Variants in TOPAZ1 observed in about 807,000 individuals in gnomAD.
The protein encoded by TOPAZ1 is testis and ovary specific TOPAZ 1.
Under a neutral mutation model 172.2 loss-of-function variants are expected in TOPAZ1, and 66 were observed. That is an observed-to-expected ratio of 0.38 (90% CI 0.31 to 0.47). TOPAZ1 has a LOEUF of 0.47. TOPAZ1 is among the 20% of genes least tolerant of loss of function. The probability of loss-of-function intolerance (pLI) is 0.99; values close to 1 mark genes in which losing one functional copy is unlikely to be tolerated. For synonymous variants in TOPAZ1, 681 were observed against 683.9 expected, an observed-to-expected ratio of 1.00 and a Z score of 0.07; for missense variants, 1,822 against 1,972.4, an observed-to-expected ratio of 0.92 and a Z score of 1.44.
chr3:44,311,422 T>G (rs1463982437), intron 16 of TOPAZ1, among the ~76,000 whole-genome samples: 1 of 152,176 alleles, frequency 6.6e-6, no homozygotes, highest in Non-Finnish European at 1.5e-5. Flanking sequence ...AAAAATGAAC[T>G]TGGGTCACCT....
downstream of TOPAZ1, among the ~76,000 whole-genome samples, chr3:44,332,739 T>C (rs1225929531): frequency 6.6e-6 from 1 of 152,116 alleles, no homozygotes; most frequent in East Asian, 1.9e-4. Flanking sequence ...TTTAAAATTA[T>C]TTAGATTTTA....
At chr3:44,300,661 TAGTG>T (rs1326892144) in intron 12 of TOPAZ1, among the ~76,000 whole-genome samples, 2 of 152,194 alleles carry the variant, frequency 1.3e-5, no homozygotes, top group Admixed American at 1.3e-4. Flanking sequence ...CATATGCTGT[TAGTG>T]AGAATATAAA....
intron 14 of TOPAZ1, 123 bp downstream of exon 14, chr3:44,305,444 A>C (rs1575729602): frequency 5.3e-6 from 4 of 753,802 alleles, no homozygotes; most frequent in East Asian, 3.3e-5. Flanking sequence ...GTCATAGCTC[A>C]CCGCAGCCTC....
At chr3:44,255,095 G>A in intron 3 of TOPAZ1, 66 bp downstream of exon 3, 2 of 1,161,688 alleles carry the variant, frequency 1.7e-6, no homozygotes, top group Non-Finnish European at 2.5e-6. Flanking sequence ...TTCAGGCCTA[G>A]TCAAGATGAA....
chr3:44,331,625 CCTTT>C (rs1262952131), intron 19 of TOPAZ1, among the ~76,000 whole-genome samples, 163 bp from the exon 20 acceptor site: 1 of 152,146 alleles, frequency 6.6e-6, no homozygotes, highest in East Asian at 1.9e-4. Context: ...GGCCAAAATG[CCTTT>C]CTTACTGTGG....
chr3:44,255,651 C>CA (rs10663255), intron 3 of TOPAZ1, among the ~76,000 whole-genome samples: 862 of 86,102 alleles, frequency 0.01, 37 homozygotes, highest in African/African-American at 0.034. Context: ...GACTCTGTCT[C>CA]AAAAAAAAAA....
intron 8 of TOPAZ1, among the ~76,000 whole-genome samples, chr3:44,271,469 G>T (rs191793810): frequency 1.3e-5 from 2 of 152,108 alleles, no homozygotes; most frequent in Admixed American, 6.5e-5. Flanking sequence ...TATTCTATGG[G>T]ATTCTTTTTC....
intron 16 of TOPAZ1, among the ~76,000 whole-genome samples, chr3:44,317,921 C>T (rs1700468204): frequency 6.6e-6 from 1 of 152,220 alleles, no homozygotes; most frequent in African/African-American, 2.4e-5. Context: ...AGTGACTTCT[C>T]ATTTATCAGT....
At chr3:44,251,898 A>G (rs1324598845) in intron 2 of TOPAZ1, among the ~76,000 whole-genome samples, 1 of 151,980 alleles carries the variant, frequency 6.6e-6, no homozygotes, top group Admixed American at 6.5e-5. Context: ...CAGAACTGTG[A>G]CTACACTCCA....
At chr3:44,319,303 A>G (rs1224771373) in intron 16 of TOPAZ1, among the ~76,000 whole-genome samples, 3 of 152,204 alleles carry the variant, frequency 2.0e-5, no homozygotes, top group East Asian at 1.9e-4. Flanking sequence ...AGATTTTTTT[A>G]TATACCTAAA....
intron 16 of TOPAZ1, among the ~76,000 whole-genome samples, chr3:44,319,730 T>TAA (rs935156896): frequency 6.6e-6 from 1 of 152,226 alleles, no homozygotes; most frequent in African/African-American, 2.4e-5. Context: ...ACACATAGTA[T>TAA]AACTCTGTTA....
intron 8 of TOPAZ1, among the ~76,000 whole-genome samples, chr3:44,280,332 CTTTCT>C (rs1700009121): frequency 8.9e-6 from 1 of 112,942 alleles, no homozygotes; most frequent in Non-Finnish European, 1.9e-5. Context: ...CTTTCCTTTT[CTTTCT>C]TTTCTTTTCT....
chr3:44,244,057 C>T lies in TOPAZ1; in HGVS notation c.1551C>T (p.Tyr517=), dbSNP rs778063578. ...AGGCTTCCTTGCCAGAATCAAGTTA[C>T]TTTCTTCGTGGGTCTCAGGAAAGTT... ...WKKASLPESS[Y]FLRGSQESCR... is the part of the protein sequence containing the mutation. Residue 517 remains tyrosine (Y), a synonymous_variant, in exon 2 of 20, where the codon TAC becomes TAT. Transcript: ENST00000309765. The T allele has an allele frequency of 3.0e-5, 46 of 1,551,694 alleles. No homozygotes were observed. Among genetic ancestry groups the T allele is most frequent in the Middle Eastern group, 3.3e-4 (2 of 6,014 alleles).
rs547347658 is a variant in TOPAZ1 at position 44,311,913 on chromosome 3, T to C, written c.4306+1923T>C. ...TGCTTTTTGTGAGGGTATAGAGAAA[T>C]AGACATTCACAGAGGTTGTCTTTAG... On this transcript the variant is annotated intron_variant, in intron 16 of 19. Coordinates refer to ENST00000309765, the MANE Select transcript of TOPAZ1 (RefSeq NM_001145030.2). Among the ~76,000 whole-genome samples, 40 of 152,262 alleles carry C rather than the reference T, an allele frequency of 2.6e-4. 2 individuals are homozygous for C. In the South Asian group the frequency reaches 8.1e-3, roughly 31 times the overall value.
At chr3:44,324,855 A>C (rs1224233186) in intron 18 of TOPAZ1, among the ~76,000 whole-genome samples, 1 of 152,200 alleles carries the variant, frequency 6.6e-6, no homozygotes, top group Admixed American at 6.5e-5. Flanking sequence ...TTACTTTTAA[A>C]GATTTTTTTA....
At chr3:44,291,374 A>C (rs1700135765) in intron 12 of TOPAZ1, among the ~76,000 whole-genome samples, 1 of 151,714 alleles carries the variant, frequency 6.6e-6, no homozygotes, top group South Asian at 2.1e-4. Context: ...AGGCCGAGGC[A>C]GGCGGATCAC....
At chr3:44,310,799 C>A (rs933304615) in intron 16 of TOPAZ1, among the ~76,000 whole-genome samples, 12 of 152,216 alleles carry the variant, frequency 7.9e-5, no homozygotes, top group Admixed American at 2.0e-4. Flanking sequence ...TATGTATGGG[C>A]AAACATGACT....
In TOPAZ1 at chr3:44,292,619, A is replaced by G. The variant is rs148920935; in HGVS notation, c.3797+1733A>G. On this transcript the variant is annotated intron_variant, in intron 12 of 19. Coordinates refer to ENST00000309765, the MANE Select transcript of TOPAZ1 (RefSeq NM_001145030.2). Reference sequence around the variant, plus strand: ...GATTGACAGCAGATCCTGTTAGTATATAGGAAGACCCCAGAACAATCCAGC... The same window carrying G: ...GATTGACAGCAGATCCTGTTAGTATGTAGGAAGACCCCAGAACAATCCAGC... Among the ~76,000 whole-genome samples, 339 of 152,344 alleles carry G rather than the reference A, an allele frequency of 2.2e-3. 2 individuals carry two copies. The highest frequency in any genetic ancestry group is 7.7e-3 in the African/African-American group (320 of 41,588).
chr3:44,316,631 ACTG>A (rs1700454599), intron 16 of TOPAZ1, among the ~76,000 whole-genome samples: 2 of 151,864 alleles, frequency 1.3e-5, no homozygotes, highest in Non-Finnish European at 2.9e-5. Flanking sequence ...CTTAATATAA[ACTG>A]CTGCTTTTTA....
Sources: allele counts gnomAD v4.1 joint callset (sites outside exome capture counted in the v4.1 genomes callset), GRCh38; gene constraint gnomAD v4.1.1; transcripts MANE v1.5; gene names NCBI Gene and HGNC (gene_info 2026-07-23, HGNC 2026-07-21).